The following MXD1 variants were observed in gnomAD, a reference collection of about 807,000 sequenced individuals.
The protein encoded by MXD1 is MAX-binding protein.
A neutral mutation model predicts 25.7 loss-of-function variants in MXD1; 9 were observed. The ratio of observed to expected loss-of-function variants is 0.35; its 90% CI spans 0.21 to 0.61. MXD1 has a LOEUF of 0.61. MXD1 is among the 20% of genes least tolerant of loss of function. The pLI is 0.75. For missense variants in MXD1, 227 were observed against 292.4 expected (o/e 0.78, Z 1.63); for synonymous variants, 99 against 113.9 (o/e 0.87, Z 0.83).
In MXD1 at chr2:69,940,443, G is replaced by C. The variant is rs1388562283; in HGVS notation, c.*2159G>C. The C allele has an allele frequency of 6.6e-6, 1 of 152,564 alleles. No homozygotes were observed. The highest frequency in any genetic ancestry group is 1.5e-5 in the Non-Finnish European group (1 of 68,026). 9.5% of individuals were successfully genotyped at this position (152,564 alleles called of 1,614,324 possible). A position where few individuals can be genotyped will look rare whatever the true frequency, so the allele number is the denominator to read the frequency against. On this transcript the variant is annotated 3_prime_UTR_variant, in exon 6 of 6. Coordinates refer to ENST00000264444, the MANE Select transcript of MXD1 (RefSeq NM_002357.4). The stretch of plus-strand genomic sequence containing the variant: ...ACAGCATCAAAAGCTCAAGACTTTG[G>C]AAAAAGCTTGTGGGCTTGCACTGGG...
At chr2:69,933,828 T>C in intron 3 of MXD1, among the ~76,000 whole-genome samples, 1 of 152,206 alleles carries the variant, frequency 6.6e-6, no homozygotes, top group East Asian at 1.9e-4. Flanking sequence ...GTACAATTCT[T>C]AAGAGGAAAA....
chr2:69,932,374 T>C (rs1677308741), intron 3 of MXD1, among the ~76,000 whole-genome samples: 1 of 152,184 alleles, frequency 6.6e-6, no homozygotes, highest in East Asian at 1.9e-4. Context: ...TATATTTCAT[T>C]GCTCTCCTGT....
intron 2 of MXD1, among the ~76,000 whole-genome samples, chr2:69,920,533 A>G (rs919979817): frequency 9.2e-5 from 14 of 151,602 alleles, no homozygotes; most frequent in African/African-American, 2.4e-4. Context: ...CCTTACCCCC[A>G]TTCTCTGATG....
At chr2:69,929,355 T>C (rs1677231824) in intron 3 of MXD1, among the ~76,000 whole-genome samples, 1 of 152,246 alleles carries the variant, frequency 6.6e-6, no homozygotes, top group African/African-American at 2.4e-5. Flanking sequence ...CAGGAGGCAC[T>C]ATCTACAGAT....
intron 2 of MXD1, among the ~76,000 whole-genome samples, chr2:69,918,585 C>T (rs6546558): frequency 0.57 from 87,138 of 152,036 alleles, 27,445 homozygotes; most frequent in African/African-American, 0.83. Flanking sequence ...TTGGCACTCA[C>T]GTGAAAGAGG....
chr2:69,937,070 T>G, intron 4 of MXD1, 165 bp from the exon 5 acceptor site: 1 of 884,158 alleles, frequency 1.1e-6, no homozygotes, highest in Non-Finnish European at 1.9e-6. Flanking sequence ...AAGCCAGGAG[T>G]CACTGGCCAG....
At position 69,916,239 on chromosome 2, in the gene MXD1, CT is replaced by C. The variant is rs747524460; in HGVS notation, c.173+22del. 1.7e-5 allele frequency: 24 copies of C among 1,430,028 alleles called. No individual in the cohort carries two copies. The highest frequency in any genetic ancestry group is 2.4e-5 in the Non-Finnish European group (24 of 1,017,442). 88.6% of individuals were successfully genotyped at this position (1,430,028 alleles called of 1,614,324 possible). A position where few individuals can be genotyped will look rare whatever the true frequency, so the allele number is the denominator to read the frequency against. ...GTAGCAGGTAATTTGGTAAATACTT[CT>C]TTCTGTCTTTTAGATTATATTGTAG... On this transcript the variant is annotated intron_variant, in intron 2 of 5. Coordinates refer to ENST00000264444, the MANE Select transcript of MXD1 (RefSeq NM_002357.4).
At chr2:69,937,029 C>T (rs1481654860) in intron 4 of MXD1, 5 of 703,340 alleles carry the variant, frequency 7.1e-6, no homozygotes, top group Admixed American at 2.0e-5. Context: ...GACAAGTACC[C>T]CCAGCACTGG....
intron 3 of MXD1, among the ~76,000 whole-genome samples, chr2:69,931,391 T>C (rs1295776822): frequency 1.3e-5 from 2 of 152,202 alleles, no homozygotes; most frequent in Admixed American, 1.3e-4. Context: ...TCAATTGTTT[T>C]GATTTTTACA....
In MXD1 at chr2:69,915,238, C is replaced by A; in HGVS notation, c.-93C>A. On this transcript the variant is annotated 5_prime_UTR_variant, in exon 1 of 6. Coordinates refer to ENST00000264444, the MANE Select transcript of MXD1 (RefSeq NM_002357.4). The surrounding 1 kb of genome is among the most constrained non-coding windows in gnomAD (Gnocchi z 5.8). ...GCGGGGTCCACAGCGGGCTCCACAG[C>A]GGGCTCCATAGCGGGCTCCACAGCG... is the stretch of plus-strand genomic sequence containing the variant. 2 of 1,144,674 alleles carry A rather than the reference C, an allele frequency of 1.7e-6. No individual in the cohort carries two copies. Among genetic ancestry groups the A allele is most frequent in the Non-Finnish European group, 2.3e-6 (2 of 886,022 alleles). 70.9% of individuals were successfully genotyped at this position (1,144,674 alleles called of 1,614,324 possible).
At chr2:69,936,026 C>A (rs1237857776) in intron 4 of MXD1, among the ~76,000 whole-genome samples, 5 of 152,136 alleles carry the variant, frequency 3.3e-5, no homozygotes, top group Non-Finnish European at 7.4e-5. Flanking sequence ...ATTCCCCTTT[C>A]TCCAGCCCTT....
In MXD1 at chr2:69,938,510, T is replaced by C. The variant is rs1173917626; in HGVS notation, c.*226T>C. The C allele has an allele frequency of 3.9e-6, 2 of 507,356 alleles. No individual in the cohort carries two copies. Among genetic ancestry groups the C allele is most frequent in the East Asian group, 3.5e-5 (1 of 28,706 alleles). 31.4% of individuals were successfully genotyped at this position (507,356 alleles called of 1,614,324 possible). A position where few individuals can be genotyped will look rare whatever the true frequency, so the allele number is the denominator to read the frequency against. ...ATAAAAATTTGTCTCTGAGAGACTA[T>C]ACATTCCAATCAATTTGAAGCATCC... is the stretch of plus-strand genomic sequence containing the variant. On this transcript the variant is annotated 3_prime_UTR_variant, in exon 6 of 6. Transcript: ENST00000264444.
Position 69,940,318 on chromosome 2 carries a change from T to C in MXD1, c.*2034T>C, listed in dbSNP as rs1033607824. The C allele has an allele frequency of 2.0e-5, 3 of 152,188 alleles. No individual in the cohort carries two copies. The highest frequency in any genetic ancestry group is 2.1e-4 in the South Asian group (1 of 4,828). The allele number at this position is 152,188 out of a possible 1,614,324, so 9.4% of individuals were successfully genotyped here. A position where few individuals can be genotyped will look rare whatever the true frequency, so the allele number is the denominator to read the frequency against. On this transcript the variant is annotated 3_prime_UTR_variant, in exon 6 of 6. Coordinates refer to ENST00000264444, the MANE Select transcript of MXD1 (RefSeq NM_002357.4). Reference sequence around the variant, plus strand: ...GCCTGTAACATATTTGAAAAAGATATGTCTGCACTTTGAGGTCCCTTTTGA... The same window carrying C: ...GCCTGTAACATATTTGAAAAAGATACGTCTGCACTTTGAGGTCCCTTTTGA...
Position 69,915,164 on chromosome 2 carries a change from C to T in MXD1, c.-167C>T. ...CGGTGCCCAGCTCACTGGCCCCCTC[C>T]CTCTCTTGTCGAGCGTGGTTGCCAG... On this transcript the variant is annotated 5_prime_UTR_variant, in exon 1 of 6. Transcript: ENST00000264444. This position sits in a 1 kb window ranked among gnomAD's most constrained non-coding sequence, Gnocchi z 5.8. The T allele has an allele frequency of 2.0e-6, 1 of 489,042 alleles. No individual in the cohort carries two copies. The allele number at this position is 489,042 out of a possible 1,614,324, so 30.3% of individuals were successfully genotyped here.
intron 3 of MXD1, among the ~76,000 whole-genome samples, chr2:69,922,122 C>T (rs1297189620): frequency 1.3e-5 from 2 of 152,298 alleles, no homozygotes; most frequent in African/African-American, 4.8e-5. Flanking sequence ...AATACATATA[C>T]ACAGATATAT....
chr2:69,924,224 G>A (rs1039473857), intron 3 of MXD1, among the ~76,000 whole-genome samples: 21 of 152,224 alleles, frequency 1.4e-4, no homozygotes, highest in African/African-American at 5.1e-4. Context: ...ATTGGGATGT[G>A]CACAAGAAGC....
chr2:69,921,367 C>T (rs1459380029), intron 2 of MXD1, among the ~76,000 whole-genome samples: 1 of 152,140 alleles, frequency 6.6e-6, no homozygotes, highest in East Asian at 1.9e-4. Flanking sequence ...AGGGGTGCTA[C>T]CTCCCCTGTT....
intron 3 of MXD1, among the ~76,000 whole-genome samples, chr2:69,931,384 A>G (rs1445287207): frequency 6.6e-6 from 1 of 151,920 alleles, no homozygotes; most frequent in Non-Finnish European, 1.5e-5. Flanking sequence ...TGTGAGTTCA[A>G]TTGTTTTGAT....
In MXD1 at chr2:69,915,586, G is replaced by GA. The variant is rs1213615125; in HGVS notation, c.73+185dup. Among the ~76,000 whole-genome samples the GA allele has an allele frequency of 6.6e-6, 1 of 152,210 alleles. No homozygotes were observed. The highest frequency in any genetic ancestry group is 6.5e-5 in the Admixed American group (1 of 15,286). On this transcript the variant is annotated intron_variant, in intron 1 of 5. Transcript: ENST00000264444. The surrounding 1 kb of genome is among the most constrained non-coding windows in gnomAD (Gnocchi z 5.8). The stretch of plus-strand genomic sequence containing the variant: ...GAAGCCGCCGCTGCCCCAAAGCAAT[G>GA]AATGGGGTGGAGAAGGGGCTGCCGC...
Sources: allele counts gnomAD v4.1 joint callset (sites outside exome capture counted in the v4.1 genomes callset), GRCh38; gene constraint gnomAD v4.1.1; non-coding constraint Gnocchi (gnomAD v3.1); transcripts MANE v1.5; gene names NCBI Gene and HGNC (gene_info 2026-07-23, HGNC 2026-07-21).